NEK4: variants seen among roughly 807,000 people sequenced by gnomAD.
NEK4 encodes NIMA related kinase 4.
NEK4 carries 86 observed loss-of-function variants against 98.4 expected under a neutral mutation model. The observed-to-expected ratio is 0.87, with a 90% CI of 0.73 to 1.05. The LOEUF (loss-of-function observed/expected upper bound fraction) is 1.05. Ranked by LOEUF, NEK4 falls within the 50% of genes least tolerant of loss-of-function variation. NEK4 has a pLI of 0.00. For synonymous variants in NEK4, 328 were observed against 342.2 expected (o/e 0.96, Z 0.46); for missense variants, 898 against 950.3 (o/e 0.94, Z 0.72).
At chr3:52,750,135 G>A (rs2154104995) in intron 7 of NEK4, among the ~76,000 whole-genome samples, 1 of 152,310 alleles carries the variant, frequency 6.6e-6, no homozygotes, top group South Asian at 2.1e-4. Context: ...TGTCCACACA[G>A]AAACTTGTAT....
chr3:52,757,707 T>C (rs1698175208), intron 6 of NEK4, among the ~76,000 whole-genome samples: 1 of 152,136 alleles, frequency 6.6e-6, no homozygotes, highest in Non-Finnish European at 1.5e-5. Context: ...ACGTGGGATA[T>C]ACATGCAACA....
intron 15 of NEK4, among the ~76,000 whole-genome samples, chr3:52,731,340 G>T (rs2097369424): frequency 6.6e-6 from 1 of 152,164 alleles, no homozygotes; most frequent in Non-Finnish European, 1.5e-5. Flanking sequence ...ATATGTAATT[G>T]CAAGGGACCC....
At chr3:52,712,625 G>A (rs562690423) in intron 15 of NEK4, among the ~76,000 whole-genome samples, 1 of 152,330 alleles carries the variant, frequency 6.6e-6, no homozygotes, top group South Asian at 2.1e-4. Flanking sequence ...GTTTTATTGA[G>A]TGAAAGTAGC....
chr3:52,758,413 C>T (rs1698217207), intron 6 of NEK4, among the ~76,000 whole-genome samples: 1 of 151,824 alleles, frequency 6.6e-6, no homozygotes, highest in South Asian at 2.1e-4. Flanking sequence ...ATTATGTGTA[C>T]TTTATCATAA....
chr3:52,717,185 T>C (rs2097355820), intron 15 of NEK4, among the ~76,000 whole-genome samples: 1 of 151,994 alleles, frequency 6.6e-6, no homozygotes. Context: ...GGTGGGTGGA[T>C]CACTTGAGGT....
At chr3:52,712,418 GTGA>G (rs982624668) in intron 15 of NEK4, among the ~76,000 whole-genome samples, 1 of 152,206 alleles carries the variant, frequency 6.6e-6, no homozygotes, top group African/African-American at 2.4e-5. Flanking sequence ...GTGTCTAGTG[GTGA>G]ATGTTTACAG....
intron 15 of NEK4, chr3:52,732,503 A>C (rs914667343): frequency 5.3e-6 from 1 of 189,236 alleles, no homozygotes; most frequent in Non-Finnish European, 1.1e-5. Context: ...CCACAGATTG[A>C]TTTCTTATGA....
At chr3:52,754,442 CT>C in intron 6 of NEK4, 1 of 575,396 alleles carries the variant, frequency 1.7e-6, no homozygotes. Flanking sequence ...AGATGTTCAG[CT>C]TTTTAAGAGT....
rs777169522 is a variant in NEK4 at position 52,766,243 on chromosome 3, T to C, written c.493A>G (p.Thr165Ala). 3 of 1,614,086 alleles carry C rather than the reference T, an allele frequency of 1.9e-6. No homozygotes were observed. Among genetic ancestry groups the C allele is most frequent in the Non-Finnish European group, 2.5e-6 (3 of 1,179,974 alleles). The change falls in exon 3 of 16, where the codon ACC becomes GCC. Residue 165 changes from threonine to alanine, a missense_variant. Thr to Ala is a moderately conservative substitution (Grantham distance 58). Coordinates refer to ENST00000233027, the MANE Select transcript of NEK4 (RefSeq NM_003157.6). ...VLENHCDMAS[T>A]LIGTPYYMSP... ...ATGTAGTAGGGTGTGCCAATGAGGG[T>C]GCTAGCCATGTCACAGTGGTTCTCT...
chr3:52,768,684 G>A, intron 1 of NEK4, 80 bp from the exon 2 acceptor site: 1 of 1,394,374 alleles, frequency 7.2e-7, no homozygotes, highest in East Asian at 2.3e-5. Flanking sequence ...GGGCTCTCAA[G>A]AATACCCTCA....
At chr3:52,768,016 A>G (rs1207158233) in intron 2 of NEK4, among the ~76,000 whole-genome samples, 5 of 152,220 alleles carry the variant, frequency 3.3e-5, no homozygotes, top group Non-Finnish European at 7.3e-5. Flanking sequence ...TCAGCATGAC[A>G]CGACTGACCA....
At position 52,763,521 on chromosome 3, in the gene NEK4, C is replaced by T. The variant is rs776868546; in HGVS notation, c.770G>A (p.Arg257Lys). 3 of 1,614,144 alleles carry T rather than the reference C, an allele frequency of 1.9e-6. No homozygotes were observed. Among genetic ancestry groups the T allele is most frequent in the Non-Finnish European group, 2.5e-6 (3 of 1,180,006 alleles). Residue 257 changes from arginine (R) to lysine (K), a missense_variant, in exon 5 of 16, where the codon AGG becomes AAG. By Grantham distance (26) the Arg-to-Lys change is conservative. Coordinates refer to ENST00000233027, the MANE Select transcript of NEK4 (RefSeq NM_003157.6). ...EERPSVRSILRQPYIKRQISF... is the reference protein window; with the variant it reads ...EERPSVRSILKQPYIKRQISF... ...GATTTGCCGCTTTATATAAGGCTGCCTCAGGATGCTCCTCACAGACGGCCT... is the reference window on the plus strand; with the variant it reads ...GATTTGCCGCTTTATATAAGGCTGCTTCAGGATGCTCCTCACAGACGGCCT...
At chr3:52,718,039 C>T (rs1489164617) in intron 15 of NEK4, among the ~76,000 whole-genome samples, 1 of 151,760 alleles carries the variant, frequency 6.6e-6, no homozygotes, top group Non-Finnish European at 1.5e-5. Flanking sequence ...AGTGATCTGC[C>T]CACCTCAGTC....
Position 52,737,579 on chromosome 3 carries a change from C to CG in NEK4, c.2433+6_2433+7insC, listed in dbSNP as rs1561300251. 1 of 1,613,558 alleles carries CG rather than the reference C, an allele frequency of 6.2e-7. No individual in the cohort carries two copies. ...AAGCATCTTGATACAGTTAATGAGACACTCACCTCTCTATCAAATTCATCC... is the reference window on the plus strand; with the variant it reads ...AAGCATCTTGATACAGTTAATGAGACGACTCACCTCTCTATCAAATTCATCC... On this transcript the variant is annotated splice_region_variant and intron_variant, in intron 15 of 15. Coordinates refer to ENST00000233027, the MANE Select transcript of NEK4 (RefSeq NM_003157.6).
Position 52,711,756 on chromosome 3 carries a change from G to A in NEK4, c.*21C>T, listed in dbSNP as rs1561278629. On this transcript the variant is annotated 3_prime_UTR_variant, in exon 16 of 16. Coordinates refer to ENST00000233027, the MANE Select transcript of NEK4 (RefSeq NM_003157.6). ...CTCTAAAAATAGGTCTTTAATTCTG[G>A]CAGCAGATTAGGACAAATGCTCAAA... is the stretch of plus-strand genomic sequence containing the variant. The A allele has an allele frequency of 1.3e-6, 2 of 1,495,260 alleles. No individual in the cohort carries two copies. The highest frequency in any genetic ancestry group is 9.3e-7 in the Non-Finnish European group (1 of 1,075,628). 92.6% of individuals were successfully genotyped at this position (1,495,260 alleles called of 1,614,324 possible).
At chr3:52,729,278 C>T (rs1304033274) in intron 15 of NEK4, among the ~76,000 whole-genome samples, 1 of 152,124 alleles carries the variant, frequency 6.6e-6, no homozygotes, top group Non-Finnish European at 1.5e-5. Flanking sequence ...TCTCTTTGTA[C>T]TCTTTCTCTT....
intron 15 of NEK4, chr3:52,732,647 T>C: frequency 3.0e-6 from 1 of 331,516 alleles, no homozygotes; most frequent in Non-Finnish European, 6.1e-6. Context: ...TGGAAATAAC[T>C]GGACCCTGCA....
chr3:52,753,551 C>T (rs1400113600), intron 6 of NEK4: 2 of 528,540 alleles, frequency 3.8e-6, no homozygotes, highest in East Asian at 5.1e-5. Context: ...AGCATGTCTA[C>T]AAGCTCTACA....
intron 15 of NEK4, among the ~76,000 whole-genome samples, chr3:52,713,794 C>CAAA (rs10554436): frequency 6.0e-5 from 5 of 83,340 alleles, no homozygotes; most frequent in African/African-American, 1.4e-4. Context: ...AACTCCCTCT[C>CAAA]AAAAAAAAAA....
Sources: allele counts gnomAD v4.1 joint callset (sites outside exome capture counted in the v4.1 genomes callset), GRCh38; gene constraint gnomAD v4.1.1; transcripts MANE v1.5; gene names NCBI Gene and HGNC (gene_info 2026-07-23, HGNC 2026-07-21).